ANO2: variants seen among roughly 807,000 people sequenced by gnomAD.
The protein encoded by ANO2 is anoctamin 2, also known as anoctamin-2.
Under a neutral mutation model 124.2 loss-of-function variants are expected in ANO2, and 101 were observed. The observed-to-expected ratio is 0.81, with a 90% CI of 0.69 to 0.96. The LOEUF (loss-of-function observed/expected upper bound fraction) is 0.96. Among genes scored for constraint, ANO2 ranks in the 40% least tolerant of loss-of-function variants. The pLI is 0.00. For missense variants in ANO2, 1,293 were observed against 1,274.5 expected (o/e 1.01, Z -0.22); for synonymous variants, 486 against 482.5 (o/e 1.01, Z -0.09).
intron 4 of ANO2, among the ~76,000 whole-genome samples, chr12:5,842,371 C>A (rs1457311533): frequency 6.6e-6 from 1 of 152,204 alleles, no homozygotes; most frequent in Non-Finnish European, 1.5e-5. Context: ...GGATCTCTTA[C>A]ACACAGTCTG....
intron 14 of ANO2, among the ~76,000 whole-genome samples, chr12:5,687,882 C>A (rs201769204): frequency 8.4e-6 from 1 of 118,382 alleles, no homozygotes; most frequent in Non-Finnish European, 1.9e-5. Context: ...AACAACAACA[C>A]CAGGAGGTCA....
intron 14 of ANO2, among the ~76,000 whole-genome samples, chr12:5,661,806 G>C (rs79589385): frequency 0.055 from 8,431 of 152,322 alleles, 283 homozygotes; most frequent in African/African-American, 0.088. Context: ...GGGCAATGCT[G>C]GGAAATGCTG....
At chr12:5,816,767 C>T (rs1377753125) in intron 7 of ANO2, among the ~76,000 whole-genome samples, 15 of 152,132 alleles carry the variant, frequency 9.9e-5, no homozygotes, top group Non-Finnish European at 2.9e-5. Context: ...CATTAATTGC[C>T]TCCTCCCCTG....
At chr12:5,945,002 A>C (rs539687529) in intron 1 of ANO2, among the ~76,000 whole-genome samples, 194 bp downstream of exon 1, 1 of 151,982 alleles carries the variant, frequency 6.6e-6, no homozygotes, top group East Asian at 1.9e-4. Flanking sequence ...AAAACAAAAA[A>C]CGTCTCGGAA....
chr12:5,634,792 G>A (rs1003421762), intron 16 of ANO2, among the ~76,000 whole-genome samples: 4 of 152,156 alleles, frequency 2.6e-5, no homozygotes, highest in African/African-American at 9.7e-5. Context: ...GAAAATGAGA[G>A]CTAAAGCTCT....
intron 15 of ANO2, among the ~76,000 whole-genome samples, chr12:5,646,253 G>A (rs1048472704): frequency 1.3e-5 from 2 of 152,116 alleles, no homozygotes; most frequent in African/African-American, 4.8e-5. Context: ...CCAGGTATTT[G>A]TTTCTTTGGT....
intron 10 of ANO2, among the ~76,000 whole-genome samples, chr12:5,793,791 C>T (rs892808209): frequency 6.6e-6 from 1 of 152,222 alleles, no homozygotes; most frequent in African/African-American, 2.4e-5. Context: ...TTAGCTGCTA[C>T]CTTGAACTGG....
intron 10 of ANO2, 88 bp from the exon 11 acceptor site, chr12:5,751,058 T>C (rs1951422885): frequency 7.7e-7 from 1 of 1,298,144 alleles, no homozygotes; most frequent in Admixed American, 2.6e-5. Context: ...TAAGGGTGGG[T>C]CAACATAGAT....
At chr12:5,791,987 A>G (rs1226449729) in intron 10 of ANO2, among the ~76,000 whole-genome samples, 1 of 152,150 alleles carries the variant, frequency 6.6e-6, no homozygotes, top group East Asian at 1.9e-4. Context: ...ATATAAATAA[A>G]TGTATAAATA....
At chr12:5,922,926 C>T in intron 1 of ANO2, 122 bp from the exon 2 acceptor site, 3 of 1,052,914 alleles carry the variant, frequency 2.8e-6, no homozygotes, top group Admixed American at 3.6e-5. Flanking sequence ...TTCACAGCTG[C>T]CTCCTTGGTT....
chr12:5,857,969 GA>G (rs1418671743), intron 3 of ANO2, among the ~76,000 whole-genome samples: 1 of 152,166 alleles, frequency 6.6e-6, no homozygotes, highest in African/African-American at 2.4e-5. Context: ...GGAAACTAAA[GA>G]ATATTTGAGC....
intron 14 of ANO2, among the ~76,000 whole-genome samples, chr12:5,650,577 T>C (rs1946870078): frequency 6.6e-6 from 1 of 152,256 alleles, no homozygotes; most frequent in Non-Finnish European, 1.5e-5. Flanking sequence ...TCTTTACTTA[T>C]AATAATCTGG....
intron 3 of ANO2, among the ~76,000 whole-genome samples, chr12:5,859,230 G>A (rs1051323436): frequency 1.3e-5 from 2 of 152,216 alleles, no homozygotes; most frequent in African/African-American, 4.8e-5. Context: ...ATCACAGAAG[G>A]GAGAACCAGG....
At chr12:5,772,398 C>T (rs147716275) in intron 10 of ANO2, among the ~76,000 whole-genome samples, 1 of 152,320 alleles carries the variant, frequency 6.6e-6, no homozygotes, top group East Asian at 1.9e-4. Context: ...CCGTAGTCGC[C>T]TAAATCTTCT....
At chr12:5,781,437 G>C (rs925232695) in intron 10 of ANO2, among the ~76,000 whole-genome samples, 12 of 152,184 alleles carry the variant, frequency 7.9e-5, no homozygotes, top group Admixed American at 7.9e-4. Flanking sequence ...CTGTTTCTCT[G>C]ATGTTGGTTA....
intron 3 of ANO2, among the ~76,000 whole-genome samples, chr12:5,889,953 A>C (rs1419907491): frequency 6.6e-6 from 1 of 152,250 alleles, no homozygotes; most frequent in African/African-American, 2.4e-5. Context: ...ATCAGAGGCA[A>C]TGTGTCTGTA....
At chr12:5,755,425 C>T (rs1016431662) in intron 10 of ANO2, among the ~76,000 whole-genome samples, 2 of 149,020 alleles carry the variant, frequency 1.3e-5, no homozygotes, top group Non-Finnish European at 1.5e-5. Flanking sequence ...TTTTATTATA[C>T]TTTAAGTTCT....
intron 3 of ANO2, among the ~76,000 whole-genome samples, chr12:5,911,693 C>T (rs912924291): frequency 3.9e-5 from 6 of 152,314 alleles, no homozygotes; most frequent in South Asian, 4.1e-4. Flanking sequence ...GACAGACTAA[C>T]GCAAGGAAGC....
At chr12:5,594,352 C>T (rs1483646944) in intron 20 of ANO2, among the ~76,000 whole-genome samples, 4 of 152,188 alleles carry the variant, frequency 2.6e-5, no homozygotes, top group Non-Finnish European at 4.4e-5. Context: ...CTTACTATCC[C>T]TCCTCTGCAC....
Sources: gnomAD v4.1 joint callset for allele counts (sites outside exome capture counted in the v4.1 genomes callset) on GRCh38, gnomAD v4.1.1 for gene constraint, MANE v1.5 for transcripts, NCBI Gene and HGNC (gene_info 2026-07-23, HGNC 2026-07-21) for gene names.